The following DTNB variants were observed in gnomAD, a reference collection of about 807,000 sequenced individuals.
DTNB encodes the protein dystrobrevin beta.
Under a neutral mutation model 90.7 loss-of-function variants are expected in DTNB, and 63 were observed. That is an observed-to-expected ratio of 0.69 (90% CI 0.57 to 0.86). DTNB has a LOEUF of 0.86. Among genes scored for constraint, DTNB ranks in the 40% least tolerant of loss-of-function variants. The probability of loss-of-function intolerance (pLI) is 0.00; values close to 1 mark genes in which losing one functional copy is unlikely to be tolerated. For missense variants in DTNB, 744 were observed against 807.1 expected (o/e 0.92, Z 0.95); for synonymous variants, 277 against 286.7 (o/e 0.97, Z 0.34).
At chr2:25,459,496 ATTTAT>A (rs1035788167) in intron 10 of DTNB, among the ~76,000 whole-genome samples, 11 of 151,826 alleles carry the variant, frequency 7.2e-5, no homozygotes, top group African/African-American at 1.2e-4. Context: ...GTTTTATTTT[ATTTAT>A]TTTATTTCTT....
intron 5 of DTNB, among the ~76,000 whole-genome samples, chr2:25,602,266 C>T (rs2066061138): frequency 6.6e-6 from 1 of 152,148 alleles, no homozygotes; most frequent in Non-Finnish European, 1.5e-5. Flanking sequence ...AGGCTCCAGA[C>T]CTCCTTTGGT....
chr2:25,425,211 G>C (rs769288872), intron 15 of DTNB, among the ~76,000 whole-genome samples: 1 of 152,106 alleles, frequency 6.6e-6, no homozygotes, highest in Non-Finnish European at 1.5e-5. Flanking sequence ...GAAAAATCCT[G>C]CTAACAGGGT....
chr2:25,411,129 C>T (rs1219209762), intron 16 of DTNB, among the ~76,000 whole-genome samples: 1 of 151,974 alleles, frequency 6.6e-6, no homozygotes, highest in Non-Finnish European at 1.5e-5. Flanking sequence ...GAGGTCGAGG[C>T]AGGCAGATCA....
At chr2:25,539,584 T>A (rs1304169012) in intron 8 of DTNB, among the ~76,000 whole-genome samples, 1 of 151,862 alleles carries the variant, frequency 6.6e-6, no homozygotes, top group Admixed American at 6.6e-5. Flanking sequence ...TGCCTTTTTT[T>A]TTTTTTTTTT....
chr2:25,577,689 C>G (rs2060908172), intron 7 of DTNB, among the ~76,000 whole-genome samples: 1 of 152,016 alleles, frequency 6.6e-6, no homozygotes, highest in African/African-American at 2.4e-5. Context: ...ACTCTGAACA[C>G]AAGAAAAGGA....
intron 2 of DTNB, among the ~76,000 whole-genome samples, chr2:25,642,496 C>A (rs1423766163): frequency 6.6e-6 from 1 of 151,682 alleles, no homozygotes; most frequent in African/African-American, 2.4e-5. Flanking sequence ...TTCACTGCAG[C>A]CTTGACCTCT....
intron 10 of DTNB, among the ~76,000 whole-genome samples, chr2:25,461,354 T>G (rs1001370888): frequency 2.0e-5 from 3 of 152,214 alleles, no homozygotes; most frequent in African/African-American, 4.8e-5. Context: ...TGTAATGTTC[T>G]TCCCCCATTC....
chr2:25,669,968 C>T (rs917553221), intron 1 of DTNB, among the ~76,000 whole-genome samples: 3 of 151,748 alleles, frequency 2.0e-5, no homozygotes, highest in Admixed American at 6.6e-5. Context: ...ATTAAATCCA[C>T]AAGCAGCAAC....
chr2:25,671,163 C>T (rs1414222370), intron 1 of DTNB, among the ~76,000 whole-genome samples: 1 of 152,058 alleles, frequency 6.6e-6, no homozygotes, highest in East Asian at 1.9e-4. Flanking sequence ...TAAGTTAAAA[C>T]TTTATCATAG....
intron 8 of DTNB, among the ~76,000 whole-genome samples, chr2:25,533,925 A>AATTTTTATTTTT (rs1325419693): frequency 6.6e-6 from 1 of 151,468 alleles, no homozygotes; most frequent in South Asian, 2.1e-4. Context: ...GCTACACTGC[A>AATTTTTATTTTT]ATTTTTATTT....
At chr2:25,543,374 C>T (rs533798082) in intron 8 of DTNB, among the ~76,000 whole-genome samples, 2 of 151,590 alleles carry the variant, frequency 1.3e-5, no homozygotes, top group African/African-American at 2.4e-5. Context: ...GGCACGATCT[C>T]GACTCACTGC....
At chr2:25,622,589 A>G (rs952799456) in intron 4 of DTNB, among the ~76,000 whole-genome samples, 2 of 152,146 alleles carry the variant, frequency 1.3e-5, no homozygotes, top group Admixed American at 1.3e-4. Flanking sequence ...CGTGGGAAGA[A>G]CCTGATCCCC....
chr2:25,663,723 T>TG (rs1338526113), intron 1 of DTNB, among the ~76,000 whole-genome samples: 1 of 152,200 alleles, frequency 6.6e-6, no homozygotes, highest in African/African-American at 2.4e-5. Context: ...TGAACTCCCA[T>TG]GAACTCTAAA....
chr2:25,616,630 T>TAAAAAA (rs58950790), intron 4 of DTNB, among the ~76,000 whole-genome samples: 1,762 of 117,642 alleles, frequency 0.015, 73 homozygotes, highest in African/African-American at 0.033. Flanking sequence ...CTATTTATAG[T>TAAAAAA]AAAAAAAAAA....
intron 8 of DTNB, among the ~76,000 whole-genome samples, chr2:25,550,829 T>C (rs2083490713): frequency 6.6e-6 from 1 of 152,186 alleles, no homozygotes; most frequent in Non-Finnish European, 1.5e-5. Context: ...TTTGTATTTT[T>C]AGTAGAGATG....
rs539949652 is a variant in DTNB, at chr2:25,528,187, CTT to C, written c.1001+3284_1001+3285del. On this transcript the variant is annotated intron_variant, in intron 9 of 20. Coordinates refer to ENST00000406818, the MANE Select transcript of DTNB (RefSeq NM_021907.5). ...ATAATCATCTCAATACAGAAAAACT[CTT>C]TGATAAAATTCAGCATCCATTCATG... is the stretch of plus-strand genomic sequence containing the variant. 8.4e-4 allele frequency among the ~76,000 whole-genome samples: 128 copies of C among 152,266 alleles called. 1 individual carries two copies. The Middle Eastern group carries it at 0.017, about 20-fold the overall frequency.
At chr2:25,600,947 A>G (rs561522748) in intron 5 of DTNB, among the ~76,000 whole-genome samples, 3 of 152,338 alleles carry the variant, frequency 2.0e-5, no homozygotes, top group African/African-American at 7.2e-5. Flanking sequence ...AAACATGTCT[A>G]TTTGCTTTAA....
At chr2:25,604,863 G>C (rs890590941) in intron 5 of DTNB, among the ~76,000 whole-genome samples, 1 of 152,166 alleles carries the variant, frequency 6.6e-6, no homozygotes, top group Non-Finnish European at 1.5e-5. Context: ...TGGGATTACA[G>C]GCGGGAGCCA....
intron 9 of DTNB, among the ~76,000 whole-genome samples, chr2:25,485,294 C>A (rs1240390930): frequency 6.6e-6 from 1 of 152,160 alleles, no homozygotes; most frequent in Non-Finnish European, 1.5e-5. Context: ...AGGTGTGAGC[C>A]ACCATTCCCG....
Sources: allele counts gnomAD v4.1 joint callset (sites outside exome capture counted in the v4.1 genomes callset), GRCh38; gene constraint gnomAD v4.1.1; transcripts MANE v1.5; gene names NCBI Gene and HGNC (gene_info 2026-07-23, HGNC 2026-07-21).